Variants in EXOC2 observed in about 807,000 individuals in gnomAD.
EXOC2 encodes SEC5-like 1.
A neutral mutation model predicts 131.8 loss-of-function variants in EXOC2; 70 were observed. The observed-to-expected ratio is 0.53, with a 90% CI of 0.44 to 0.65. The LOEUF is 0.65. EXOC2 is among the 30% of genes least tolerant of loss of function. EXOC2 has a pLI of 0.00. For synonymous variants in EXOC2, 411 were observed against 398.4 expected, an observed-to-expected ratio of 1.03 and a Z score of -0.38; for missense variants, 923 against 1,108.6, an observed-to-expected ratio of 0.83 and a Z score of 2.38.
At chr6:568,467 C>A (rs1375682656) in intron 13 of EXOC2, among the ~76,000 whole-genome samples, 1 of 152,228 alleles carries the variant, frequency 6.6e-6, no homozygotes, top group Non-Finnish European at 1.5e-5. Flanking sequence ...ATGCATCCTG[C>A]AGACCCTTGC....
chr6:639,635 C>A (rs1217384735), intron 1 of EXOC2, among the ~76,000 whole-genome samples: 3 of 152,174 alleles, frequency 2.0e-5, no homozygotes, highest in South Asian at 2.1e-4. Context: ...GTCTTCCCTG[C>A]AAAAAGGGAA....
intron 1 of EXOC2, chr6:656,312 G>T (rs775140178): frequency 6.2e-7 from 1 of 1,614,050 alleles, no homozygotes; most frequent in East Asian, 2.2e-5. Context: ...CAGCCGACTG[G>T]GGAGGGTTTC....
intron 1 of EXOC2, among the ~76,000 whole-genome samples, chr6:680,062 A>G (rs1764331353): frequency 6.6e-6 from 1 of 152,114 alleles, no homozygotes; most frequent in African/African-American, 2.4e-5. Context: ...TTAAACATAC[A>G]TAAGAGAGAC....
At chr6:631,615 A>T (rs1264809755) in intron 3 of EXOC2, among the ~76,000 whole-genome samples, 1 of 152,136 alleles carries the variant, frequency 6.6e-6, no homozygotes, top group Non-Finnish European at 1.5e-5. Flanking sequence ...TGAGTATTCC[A>T]GAATAATAAA....
intron 11 of EXOC2, among the ~76,000 whole-genome samples, chr6:578,902 A>G (rs1424581001): frequency 5.9e-5 from 9 of 152,190 alleles, no homozygotes; most frequent in Admixed American, 3.3e-4. Flanking sequence ...TGTCACTTCT[A>G]TCAATTGTGG....
At chr6:537,341 C>T (rs1230896901) in intron 22 of EXOC2, among the ~76,000 whole-genome samples, 11 of 149,796 alleles carry the variant, frequency 7.3e-5, no homozygotes, top group African/African-American at 1.7e-4. Flanking sequence ...AGCGTACACT[C>T]GAGTTGACGG....
intron 1 of EXOC2, chr6:657,175 C>A: frequency 2.5e-6 from 1 of 397,304 alleles, no homozygotes; most frequent in Non-Finnish European, 4.4e-6. Flanking sequence ...TCCCTCCAGC[C>A]CTCTCACAAA....
rs150996614 is a variant in EXOC2 at position 691,560 on chromosome 6, A to G, written c.-44+1459T>C. Among the ~76,000 whole-genome samples, 57 of 152,368 alleles carry G rather than the reference A, an allele frequency of 3.7e-4. 1 individual carries two copies. In the East Asian group the frequency reaches 0.01, roughly 28 times the overall value. Reference sequence around the variant, plus strand: ...CTCTCTCAGCTTACTTTAAGAATACAGTATATAATACGTATAACATACAAA... The same window carrying G: ...CTCTCTCAGCTTACTTTAAGAATACGGTATATAATACGTATAACATACAAA... On this transcript the variant is annotated intron_variant, in intron 1 of 27. Transcript: ENST00000230449.
At chr6:544,596 G>C (rs1019891135) in intron 22 of EXOC2, among the ~76,000 whole-genome samples, 1 of 152,138 alleles carries the variant, frequency 6.6e-6, no homozygotes, top group Non-Finnish European at 1.5e-5. Context: ...CATATATATA[G>C]AGATAATACA....
intron 1 of EXOC2, among the ~76,000 whole-genome samples, chr6:658,666 T>TATATATTTTATATATATATATATATATA (rs1554146211): frequency 7.6e-5 from 5 of 65,922 alleles, no homozygotes; most frequent in Non-Finnish European, 1.8e-4. Context: ...TATATATATA[T>TATATATTTTATATATATATATATATATA]TTTTTTTTTT....
At chr6:636,869 C>T (rs548053359) in intron 2 of EXOC2, among the ~76,000 whole-genome samples, 2 of 152,080 alleles carry the variant, frequency 1.3e-5, no homozygotes, top group Non-Finnish European at 2.9e-5. Context: ...CCCTAATACC[C>T]GTGTATATTT....
intron 11 of EXOC2, among the ~76,000 whole-genome samples, chr6:581,570 G>GAT (rs143276574): frequency 0.013 from 1,927 of 152,226 alleles, 37 homozygotes; most frequent in African/African-American, 0.043. Context: ...AATTCTATGT[G>GAT]ATATTTGCAG....
rs541177572 is a variant in EXOC2, at chr6:540,370, T to C, written c.2239-7760A>G. On this transcript the variant is annotated intron_variant, in intron 22 of 27. Transcript: ENST00000230449. ...CCTTGACGATTTGATTTTCTATCTA[T>C]ACAGAATAATCGGAAAGACACTGGA... 6.7e-4 allele frequency among the ~76,000 whole-genome samples: 102 copies of C among 152,356 alleles called. 1 individual carries two copies. Among genetic ancestry groups the C allele is most frequent in the Admixed American group, 3.5e-3 (53 of 15,312 alleles).
intron 1 of EXOC2, among the ~76,000 whole-genome samples, chr6:687,304 CTGAG>C (rs1394157182): frequency 6.7e-6 from 1 of 150,046 alleles, no homozygotes; most frequent in African/African-American, 2.4e-5. Context: ...CTTCAGCCTC[CTGAG>C]TAACTGGGAC....
At chr6:505,841 T>C in intron 23 of EXOC2, among the ~76,000 whole-genome samples, 1 of 152,220 alleles carries the variant, frequency 6.6e-6, no homozygotes, top group Non-Finnish European at 1.5e-5. Flanking sequence ...TATCCGTGAA[T>C]GACAAACAAA....
intron 7 of EXOC2, among the ~76,000 whole-genome samples, chr6:605,690 T>C (rs367972609): frequency 1.1e-4 from 16 of 152,352 alleles, no homozygotes; most frequent in East Asian, 9.6e-4. Context: ...GTTTTTTGTG[T>C]CTCTATCTCC....
intron 1 of EXOC2, among the ~76,000 whole-genome samples, chr6:651,100 G>A (rs1026455105): frequency 2.0e-5 from 3 of 150,672 alleles, no homozygotes; most frequent in South Asian, 4.2e-4. Flanking sequence ...GTGTGATCTC[G>A]GCTCACTGCA....
At chr6:624,612 A>G (rs1348416436) in intron 4 of EXOC2, among the ~76,000 whole-genome samples, 1 of 152,218 alleles carries the variant, frequency 6.6e-6, no homozygotes, top group East Asian at 1.9e-4. Context: ...AACAGTCGAG[A>G]TTTGAACCTG....
chr6:569,855 G>A (rs986933650), intron 13 of EXOC2, among the ~76,000 whole-genome samples: 4 of 152,316 alleles, frequency 2.6e-5, no homozygotes, highest in Middle Eastern at 6.8e-3. Flanking sequence ...TGTTGTGCAT[G>A]AGTTCTGAAG....
Sources: gnomAD v4.1 joint callset for allele counts (sites outside exome capture counted in the v4.1 genomes callset) on GRCh38, gnomAD v4.1.1 for gene constraint, MANE v1.5 for transcripts, NCBI Gene and HGNC (gene_info 2026-07-23, HGNC 2026-07-21) for gene names.